Variants in TLL1 observed in about 807,000 individuals in gnomAD.
TLL1 encodes the protein tolloid like 1, also known as tolloid-like protein 1.
TLL1 carries 49 observed loss-of-function variants against 128.2 expected under a neutral mutation model. The ratio of observed to expected loss-of-function variants is 0.38; its 90% CI spans 0.30 to 0.48. TLL1 has a LOEUF of 0.48. Among genes scored for constraint, TLL1 ranks in the 20% least tolerant of loss-of-function variants. TLL1 has a pLI of 0.96. For missense variants in TLL1, 1,123 were observed against 1,242.0 expected (o/e 0.90, Z 1.44); for synonymous variants, 454 against 418.8 (o/e 1.08, Z -1.03).
At chr4:165,958,102 G>C (rs1170106659) in intron 1 of TLL1, among the ~76,000 whole-genome samples, 44 of 144,570 alleles carry the variant, frequency 3.0e-4, no homozygotes, top group Non-Finnish European at 2.3e-4. Context: ...TCTTAATCCA[G>C]TCTATCATTG....
intron 1 of TLL1, among the ~76,000 whole-genome samples, chr4:165,909,651 C>A (rs1272541360): frequency 6.6e-6 from 1 of 152,184 alleles, no homozygotes; most frequent in Non-Finnish European, 1.5e-5. Context: ...AACTTCAAAG[C>A]AACCTAGTGA....
chr4:165,909,720 G>A (rs1463787642), intron 1 of TLL1, among the ~76,000 whole-genome samples: 1 of 152,150 alleles, frequency 6.6e-6, no homozygotes, highest in African/African-American at 2.4e-5. Flanking sequence ...AATTGTTCAA[G>A]AAAAGTCCAT....
chr4:166,087,284 G>A (rs1341559178), intron 18 of TLL1, among the ~76,000 whole-genome samples: 2 of 151,520 alleles, frequency 1.3e-5, no homozygotes, highest in African/African-American at 4.9e-5. Flanking sequence ...TTTATATATG[G>A]GATATTTAAA....
chr4:165,876,330 G>A (rs1205199761), intron 1 of TLL1, among the ~76,000 whole-genome samples: 1 of 122,836 alleles, frequency 8.1e-6, no homozygotes, highest in Non-Finnish European at 1.7e-5. Flanking sequence ...GAAATCCCAA[G>A]CAAGAGTCAA....
intron 1 of TLL1, among the ~76,000 whole-genome samples, chr4:165,932,896 C>A (rs1733594151): frequency 6.6e-6 from 1 of 152,016 alleles, no homozygotes; most frequent in South Asian, 2.1e-4. Flanking sequence ...GTTAAAGCTG[C>A]AGTGTAAATT....
At chr4:165,982,589 T>G (rs1271253220) in intron 1 of TLL1, among the ~76,000 whole-genome samples, 6 of 148,950 alleles carry the variant, frequency 4.0e-5, no homozygotes, top group Admixed American at 3.3e-4. Flanking sequence ...TTACAAAGAA[T>G]AATAATAACC....
chr4:165,882,470 T>C (rs1731004520), intron 1 of TLL1, among the ~76,000 whole-genome samples: 1 of 152,168 alleles, frequency 6.6e-6, no homozygotes, highest in South Asian at 2.1e-4. Context: ...ATGTATATTC[T>C]TTAGTCCCAA....
At chr4:166,077,006 A>T (rs1385384793) in intron 17 of TLL1, among the ~76,000 whole-genome samples, 1 of 152,134 alleles carries the variant, frequency 6.6e-6, no homozygotes, top group Non-Finnish European at 1.5e-5. Context: ...CCATTGAATA[A>T]AGTATTTCAC....
chr4:165,905,839 T>G (rs999922283), intron 1 of TLL1, among the ~76,000 whole-genome samples: 1 of 152,196 alleles, frequency 6.6e-6, no homozygotes, highest in African/African-American at 2.4e-5. Flanking sequence ...AATCTATTTT[T>G]GAAAAGCGTC....
At chr4:166,085,957 T>A (rs1741493754) in intron 18 of TLL1, among the ~76,000 whole-genome samples, 1 of 152,128 alleles carries the variant, frequency 6.6e-6, no homozygotes, top group South Asian at 2.1e-4. Context: ...CCGAGTGACA[T>A]GTAGGTAGTG....
Position 166,078,020 on chromosome 4 carries a change from G to A in TLL1, c.2432G>A (p.Arg811Gln), listed in dbSNP as rs763099814. Residue 811 changes from arginine to glutamine, a missense_variant, in exon 18 of 21, where the codon CGA (arginine) becomes CAA (glutamine). By Grantham distance (43) the Arg-to-Gln change is conservative. This residue lies in a region of TLL1 where 634 missense variants were observed against 672.4 expected (regional missense o/e 0.94). Coordinates refer to ENST00000061240, the MANE Select transcript of TLL1 (RefSeq NM_012464.5). Reference protein sequence around the residue: ...TWEISATPGHRIKLAFSEFEI... With the variant: ...TWEISATPGHQIKLAFSEFEI... ...GAAATCAGCGCCACTCCTGGCCACC[G>A]AATCAAATTAGTAAGTGAGCACATC... The A allele has an allele frequency of 1.6e-5, 26 of 1,613,360 alleles. No individual in the cohort carries two copies. The highest frequency in any genetic ancestry group is 2.2e-5 in the East Asian group (1 of 44,806).
intron 3 of TLL1, among the ~76,000 whole-genome samples, chr4:165,993,652 A>G (rs2111017041): frequency 6.6e-6 from 1 of 152,220 alleles, no homozygotes; most frequent in South Asian, 2.1e-4. Context: ...AGTGATAGAT[A>G]AGAAAGAATA....
intron 1 of TLL1, among the ~76,000 whole-genome samples, chr4:165,926,694 G>A (rs1485852855): frequency 6.6e-6 from 1 of 152,100 alleles, no homozygotes; most frequent in Non-Finnish European, 1.5e-5. Flanking sequence ...TGATATTTAA[G>A]CCAGAGTGGA....
intron 15 of TLL1, among the ~76,000 whole-genome samples, chr4:166,062,684 T>A (rs1740377818): frequency 6.6e-6 from 1 of 152,306 alleles, no homozygotes; most frequent in African/African-American, 2.4e-5. Context: ...TTTGACTTCC[T>A]CTTTTCCTAA....
intron 1 of TLL1, among the ~76,000 whole-genome samples, chr4:165,876,854 G>A (rs541887168): frequency 6.6e-6 from 1 of 152,240 alleles, no homozygotes; most frequent in African/African-American, 2.4e-5. Flanking sequence ...CTAGAGATGC[G>A]ATTGCTTGCA....
At chr4:165,957,269 A>T (rs1031875419) in intron 1 of TLL1, among the ~76,000 whole-genome samples, 1 of 152,124 alleles carries the variant, frequency 6.6e-6, no homozygotes, top group African/African-American at 2.4e-5. Context: ...GGCATTACAT[A>T]GTGGTAAAGG....
chr4:166,095,960 A>G (rs1741997554), intron 19 of TLL1, among the ~76,000 whole-genome samples: 1 of 152,264 alleles, frequency 6.6e-6, no homozygotes, highest in South Asian at 2.1e-4. Context: ...TTTAAAAAGC[A>G]TCTTTTAAAA....
At chr4:165,986,863 T>C (rs4691228) in intron 1 of TLL1, among the ~76,000 whole-genome samples, 87,879 of 151,974 alleles carry the variant, frequency 0.58, 27,597 homozygotes, top group Admixed American at 0.71. Context: ...GTGTACTGCT[T>C]TTATCTGAAA....
chr4:166,040,404 T>A (rs1192663669), intron 10 of TLL1, among the ~76,000 whole-genome samples: 1 of 152,224 alleles, frequency 6.6e-6, no homozygotes, highest in Non-Finnish European at 1.5e-5. Flanking sequence ...TTTACATATG[T>A]ATGCACAAGC....
Sources: gnomAD v4.1 joint callset for allele counts (sites outside exome capture counted in the v4.1 genomes callset) on GRCh38, gnomAD v4.1.1 for gene constraint, gnomAD v4.1.1 regional missense constraint, MANE v1.5 for transcripts, NCBI Gene and HGNC (gene_info 2026-07-23, HGNC 2026-07-21) for gene names.